The following C1QTNF3 variants were observed in gnomAD, a reference collection of about 807,000 sequenced individuals.
The protein encoded by C1QTNF3 is complement C1q tumor necrosis factor-related protein 3.
Under a neutral mutation model 32.6 loss-of-function variants are expected in C1QTNF3, and 26 were observed. That is an observed-to-expected ratio of 0.80 (90% confidence interval 0.58 to 1.11). C1QTNF3 has a LOEUF of 1.11. Among genes scored for constraint, C1QTNF3 ranks in the 50% least tolerant of loss-of-function variants. C1QTNF3 has a pLI of 0.00. For synonymous variants in C1QTNF3, 155 were observed against 146.0 expected, an observed-to-expected ratio of 1.06 and a Z score of -0.44; for missense variants, 362 against 398.2, an observed-to-expected ratio of 0.91 and a Z score of 0.77.
At chr5:34,194,914 G>T in the C1QTNF3 span, among the ~76,000 whole-genome samples, 1 of 147,868 alleles carries the variant, frequency 6.8e-6, no homozygotes, top group Non-Finnish European at 1.5e-5. Context: ...GTACTATATT[G>T]TGTAAGGAAT....
rs569510892 is a variant in C1QTNF3, at chr5:34,041,120, A to C, written c.303+1703T>G. The stretch of plus-strand genomic sequence containing the variant: ...ACACGGGAACTGAATGAATAAGAGG[A>C]AAATTGAATTACGATCAAAGAAGAG... On this transcript the variant is annotated intron_variant, in intron 1 of 5. Coordinates refer to ENST00000382065, the MANE Select transcript of C1QTNF3 (RefSeq NM_181435.6). 3.9e-5 allele frequency among the ~76,000 whole-genome samples: 6 copies of C among 152,342 alleles called. No individual in the cohort carries two copies. In the South Asian group the frequency reaches 8.3e-4, roughly 21 times the overall value.
chr5:34,113,673 T>G, the C1QTNF3 span, among the ~76,000 whole-genome samples: 1 of 152,162 alleles, frequency 6.6e-6, no homozygotes, highest in Admixed American at 6.5e-5. Flanking sequence ...TCTCTCTCTA[T>G]ATATATGTAT....
chr5:34,195,490 G>A, the C1QTNF3 span, among the ~76,000 whole-genome samples: 1 of 151,502 alleles, frequency 6.6e-6, no homozygotes, highest in Non-Finnish European at 1.5e-5. Context: ...ACATCAACAA[G>A]TGTAATATAT....
chr5:34,144,649 C>A, the C1QTNF3 span, among the ~76,000 whole-genome samples: 1 of 152,022 alleles, frequency 6.6e-6, no homozygotes, highest in African/African-American at 2.4e-5. Flanking sequence ...TACACAAATA[C>A]ATTAAAATTA....
chr5:34,044,326 T>C (rs1271330909), upstream of C1QTNF3, among the ~76,000 whole-genome samples: 1 of 152,202 alleles, frequency 6.6e-6, no homozygotes, highest in African/African-American at 2.4e-5. Flanking sequence ...ATTCACTCGC[T>C]TAAGAAAATG....
the C1QTNF3 span, among the ~76,000 whole-genome samples, chr5:34,237,726 T>C: frequency 6.6e-6 from 1 of 152,098 alleles, no homozygotes; most frequent in East Asian, 1.9e-4. Flanking sequence ...AGGAAGCCTG[T>C]GCAGGGAACC....
the C1QTNF3 span, among the ~76,000 whole-genome samples, chr5:34,119,770 A>C: frequency 8.5e-5 from 13 of 152,154 alleles, no homozygotes; most frequent in Admixed American, 7.2e-4. Flanking sequence ...CACATTGCGC[A>C]TCACTGTGAT....
At chr5:34,156,501 G>A in the C1QTNF3 span, among the ~76,000 whole-genome samples, 1 of 152,196 alleles carries the variant, frequency 6.6e-6, no homozygotes, top group East Asian at 1.9e-4. Flanking sequence ...GCAATAGCAT[G>A]TCTAATACTA....
chr5:34,077,123 T>C, the C1QTNF3 span, among the ~76,000 whole-genome samples: 17 of 151,798 alleles, frequency 1.1e-4, no homozygotes, highest in Admixed American at 1.1e-3. Context: ...GGTTCCCTAT[T>C]ACTATTGTAA....
At chr5:34,086,288 AGGGGTT>A in the C1QTNF3 span, among the ~76,000 whole-genome samples, 3 of 133,526 alleles carry the variant, frequency 2.2e-5, no homozygotes, top group Non-Finnish European at 4.7e-5. Context: ...AGGGCCTGTC[AGGGGTT>A]AGGGGGCTAA....
At chr5:34,142,157 C>A in the C1QTNF3 span, among the ~76,000 whole-genome samples, 1 of 152,322 alleles carries the variant, frequency 6.6e-6, no homozygotes, top group African/African-American at 2.4e-5. Context: ...GGCAGCTGGG[C>A]GCACTGGCTC....
the C1QTNF3 span, among the ~76,000 whole-genome samples, chr5:34,196,046 A>G: frequency 6.6e-6 from 1 of 152,280 alleles, no homozygotes; most frequent in Admixed American, 6.5e-5. Flanking sequence ...GCCATTTCCA[A>G]TCTAGGAAGC....
the C1QTNF3 span, among the ~76,000 whole-genome samples, chr5:34,183,322 A>ATTTTTTTTTTTTTTTTTTTT: frequency 7.7e-6 from 1 of 129,432 alleles, no homozygotes. Context: ...TAATTTTTTA[A>ATTTTTTTTTTTTTTTTTTTT]TTTTCTTTTT....
At chr5:34,089,588 C>T in the C1QTNF3 span, among the ~76,000 whole-genome samples, 1 of 152,160 alleles carries the variant, frequency 6.6e-6, no homozygotes, top group Non-Finnish European at 1.5e-5. Flanking sequence ...GATTTCTCAG[C>T]CTCCAAAACC....
chr5:34,029,689 T>C (rs367588159), intron 3 of C1QTNF3, among the ~76,000 whole-genome samples: 62 of 152,358 alleles, frequency 4.1e-4, no homozygotes, highest in Middle Eastern at 6.8e-3. Context: ...CAGGTCTTTC[T>C]TGGTAGAAGT....
At chr5:34,220,658 ACTT>A in the C1QTNF3 span, among the ~76,000 whole-genome samples, 1 of 152,094 alleles carries the variant, frequency 6.6e-6, no homozygotes, top group Non-Finnish European at 1.5e-5. Context: ...ACTTTCTTTC[ACTT>A]CTATCGTTGC....
the C1QTNF3 span, chr5:34,175,692 A>G: frequency 2.8e-4 from 183 of 643,260 alleles, no homozygotes; most frequent in Non-Finnish European, 4.8e-4. Flanking sequence ...TCTCAACACA[A>G]CCTACATGGA....
intron 4 of C1QTNF3, among the ~76,000 whole-genome samples, chr5:34,026,969 G>A (rs111251264): frequency 6.6e-6 from 1 of 152,178 alleles, no homozygotes; most frequent in African/African-American, 2.4e-5. Context: ...ATGAAAAGCT[G>A]AGGGCATCAG....
At chr5:34,090,796 G>A in the C1QTNF3 span, among the ~76,000 whole-genome samples, 3 of 151,522 alleles carry the variant, frequency 2.0e-5, no homozygotes, top group East Asian at 2.0e-4. Context: ...AGCCATCTGC[G>A]AAGCAGGTTG....
Sources: gnomAD v4.1 joint callset for allele counts (sites outside exome capture counted in the v4.1 genomes callset) on GRCh38, gnomAD v4.1.1 for gene constraint, MANE v1.5 for transcripts, NCBI Gene and HGNC (gene_info 2026-07-23, HGNC 2026-07-21) for gene names.